STPG2: variants seen among roughly 807,000 people sequenced by gnomAD.
STPG2 encodes the protein sperm tail PG-rich repeat containing 2.
In STPG2, 56 loss-of-function variants were observed where a neutral mutation model predicts 54.2. The ratio of observed to expected loss-of-function variants is 1.03; its 90% CI spans 0.83 to 1.29. The LOEUF is 1.29. Ranked by LOEUF, STPG2 falls within the 50% of genes most tolerant of loss-of-function variation. The pLI is 0.00. For synonymous variants in STPG2, 200 were observed against 181.8 expected (o/e 1.10, Z -0.81); for missense variants, 596 against 544.9 (o/e 1.09, Z -0.93).
At chr4:97,770,165 C>T (rs557501449) in intron 9 of STPG2, among the ~76,000 whole-genome samples, 4 of 152,148 alleles carry the variant, frequency 2.6e-5, no homozygotes, top group African/African-American at 9.7e-5. Flanking sequence ...GAGCTGAGAT[C>T]ACGCCACTGG....
Position 97,628,705 on chromosome 4 carries a change from G to A in STPG2, c.1321-69588C>T, listed in dbSNP as rs113633925. On this transcript the variant is annotated intron_variant, in intron 10 of 10. Coordinates refer to ENST00000295268, the MANE Select transcript of STPG2 (RefSeq NM_174952.3). ...TACAGCCTGTGTACACACAAACATC[G>A]CTATTTTTAATGGCATGACTGCAAA... Among the ~76,000 whole-genome samples the A allele has an allele frequency of 5.4e-3, 824 of 151,998 alleles. 6 individuals carry two copies. The highest frequency in any genetic ancestry group is 0.02 in the Middle Eastern group (6 of 294).
At chr4:97,863,817 C>G (rs1291925358) in intron 8 of STPG2, among the ~76,000 whole-genome samples, 4 of 152,024 alleles carry the variant, frequency 2.6e-5, no homozygotes, top group African/African-American at 4.8e-5. Context: ...TAAACGTGAT[C>G]CAGCATATAT....
intron 9 of STPG2, among the ~76,000 whole-genome samples, chr4:97,779,868 G>C (rs1057157621): frequency 1.1e-4 from 17 of 152,104 alleles, no homozygotes; most frequent in African/African-American, 3.6e-4. Context: ...ATCCTTTACA[G>C]ACAAGCAAAT....
chr4:97,979,623 A>G (rs1213705939), intron 6 of STPG2, among the ~76,000 whole-genome samples: 1 of 152,108 alleles, frequency 6.6e-6, no homozygotes, highest in Admixed American at 6.5e-5. Flanking sequence ...GTTGTGGCTT[A>G]CGCTTGTAAT....
At chr4:97,687,101 T>G (rs1399051342) in intron 10 of STPG2, among the ~76,000 whole-genome samples, 2 of 151,464 alleles carry the variant, frequency 1.3e-5, no homozygotes, top group African/African-American at 4.8e-5. Context: ...CCACCACGCC[T>G]GGCTAAATTT....
intron 9 of STPG2, among the ~76,000 whole-genome samples, chr4:97,743,132 C>CT (rs1725318819): frequency 6.6e-6 from 1 of 151,626 alleles, no homozygotes; most frequent in Non-Finnish European, 1.5e-5. Flanking sequence ...TTCTAGTTTT[C>CT]TTTTATTTTG....
chr4:98,078,811 A>G (rs1159141241), intron 5 of STPG2, among the ~76,000 whole-genome samples: 1 of 152,150 alleles, frequency 6.6e-6, no homozygotes, highest in Non-Finnish European at 1.5e-5. Flanking sequence ...ATATTAACCA[A>G]TTAGACTGAT....
intron 9 of STPG2, among the ~76,000 whole-genome samples, chr4:97,716,702 TG>T (rs1724300179): frequency 1.2e-5 from 1 of 80,828 alleles, no homozygotes; most frequent in South Asian, 3.9e-4. Flanking sequence ...GCTGTGGGGG[TG>T]GGGGGTGGAA....
At chr4:97,719,109 C>T (rs1240488445) in intron 9 of STPG2, among the ~76,000 whole-genome samples, 1 of 151,950 alleles carries the variant, frequency 6.6e-6, no homozygotes, top group Non-Finnish European at 1.5e-5. Flanking sequence ...TGGTCTCAAT[C>T]ATTTTGGATA....
chr4:97,874,954 T>C (rs2149159059), intron 8 of STPG2, among the ~76,000 whole-genome samples: 1 of 152,078 alleles, frequency 6.6e-6, no homozygotes, highest in Middle Eastern at 3.4e-3. Flanking sequence ...AATAAATGCC[T>C]GTCATTTAAG....
At chr4:97,772,861 A>G (rs1726259376) in intron 9 of STPG2, among the ~76,000 whole-genome samples, 1 of 152,222 alleles carries the variant, frequency 6.6e-6, no homozygotes, top group African/African-American at 2.4e-5. Context: ...TTAGAGAGAC[A>G]GGTGGAAATT....
chr4:97,734,686 G>C (rs1334986149), intron 9 of STPG2, among the ~76,000 whole-genome samples: 3 of 152,118 alleles, frequency 2.0e-5, no homozygotes, highest in African/African-American at 7.2e-5. Flanking sequence ...AAAAAGTTAA[G>C]AAAATGGCCT....
At chr4:97,652,611 G>A (rs1276345692) in intron 10 of STPG2, among the ~76,000 whole-genome samples, 1 of 151,568 alleles carries the variant, frequency 6.6e-6, no homozygotes, top group East Asian at 1.9e-4. Context: ...CTGTACACTG[G>A]GGATATAATC....
chr4:97,737,666 A>AG (rs1282094530), intron 9 of STPG2, among the ~76,000 whole-genome samples: 12 of 152,112 alleles, frequency 7.9e-5, no homozygotes, highest in Non-Finnish European at 1.5e-4. Context: ...AGAGAAAAAA[A>AG]AATAAAAAGA....
chr4:97,721,153 G>C (rs1405800250), intron 9 of STPG2, among the ~76,000 whole-genome samples: 2 of 152,042 alleles, frequency 1.3e-5, no homozygotes, highest in Non-Finnish European at 2.9e-5. Context: ...TATAGCAAGA[G>C]ATGAAAACAG....
intron 8 of STPG2, among the ~76,000 whole-genome samples, chr4:97,907,693 G>A (rs1731497024): frequency 6.6e-6 from 1 of 152,142 alleles, no homozygotes; most frequent in Non-Finnish European, 1.5e-5. Context: ...GAACAGAACA[G>A]AGCCCTCAGA....
At chr4:97,458,078 C>T (rs919989864) in intron 4 of STPG2, among the ~76,000 whole-genome samples, 1 of 152,108 alleles carries the variant, frequency 6.6e-6, no homozygotes, top group African/African-American at 2.4e-5. Flanking sequence ...AGCGTTCTTA[C>T]TAGAGAGATG....
intron 10 of STPG2, among the ~76,000 whole-genome samples, chr4:97,690,626 G>A (rs547056534): frequency 4.4e-4 from 67 of 152,172 alleles, no homozygotes; most frequent in Non-Finnish European, 4.9e-4. Context: ...CAACTCACTC[G>A]GGAGAAAGAG....
intron 8 of STPG2, among the ~76,000 whole-genome samples, chr4:97,868,897 T>G (rs1192708262): frequency 6.6e-6 from 1 of 151,966 alleles, no homozygotes; most frequent in Admixed American, 6.6e-5. Context: ...TTTGTTATAA[T>G]TTATCAAGCA....
Sources: allele counts gnomAD v4.1 joint callset (sites outside exome capture counted in the v4.1 genomes callset), GRCh38; gene constraint gnomAD v4.1.1; transcripts MANE v1.5; gene names NCBI Gene and HGNC (gene_info 2026-07-23, HGNC 2026-07-21).